CNDP1: variants seen among roughly 807,000 people sequenced by gnomAD.
CNDP1 encodes beta-Ala-His dipeptidase.
CNDP1 carries 44 observed loss-of-function variants against 58.1 expected under a neutral mutation model. That is an observed-to-expected ratio of 0.76 (90% CI 0.60 to 0.97). The LOEUF is 0.97. Ranked by LOEUF, CNDP1 falls within the 50% of genes least tolerant of loss-of-function variation. The probability of loss-of-function intolerance (pLI) is 0.00; values close to 1 mark genes in which losing one functional copy is unlikely to be tolerated. For synonymous variants in CNDP1, 254 were observed against 252.6 expected (o/e 1.01, Z -0.05); for missense variants, 616 against 655.1 (o/e 0.94, Z 0.65).
intron 1 of CNDP1, among the ~76,000 whole-genome samples, chr18:74,553,647 A>G (rs1980965343): frequency 6.6e-6 from 1 of 152,214 alleles, no homozygotes; most frequent in Non-Finnish European, 1.5e-5. Flanking sequence ...TTCACTCTCC[A>G]GAATATTTAT....
intron 1 of CNDP1, among the ~76,000 whole-genome samples, chr18:74,549,612 G>C (rs1283525719): frequency 6.6e-6 from 1 of 152,200 alleles, no homozygotes; most frequent in Non-Finnish European, 1.5e-5. Context: ...TCATTACCAG[G>C]AGAGGAATTT....
intron 1 of CNDP1, among the ~76,000 whole-genome samples, chr18:74,542,156 C>T (rs1980641814): frequency 6.6e-6 from 1 of 152,246 alleles, no homozygotes. Flanking sequence ...CCTTGTACTG[C>T]AGGCCAGAGG....
chr18:74,566,068 C>T (rs1382683087), intron 5 of CNDP1, among the ~76,000 whole-genome samples: 3 of 152,248 alleles, frequency 2.0e-5, no homozygotes, highest in African/African-American at 7.2e-5. Flanking sequence ...GGGCTTCCAC[C>T]CTCTGAAGCC....
rs935488390 is a variant in CNDP1 at position 74,580,377 on chromosome 18, C to T, written c.1309+106C>T. ...CACTTTTAAAACTCAGAAATCAACTCTCCTTTTAATACAGAGCACATTGTT... is the reference window on the plus strand; with the variant it reads ...CACTTTTAAAACTCAGAAATCAACTTTCCTTTTAATACAGAGCACATTGTT... On this transcript the variant is annotated intron_variant, in intron 10 of 11. Transcript: ENST00000358821. The T allele has an allele frequency of 2.3e-5, 26 of 1,150,252 alleles. No homozygotes were observed. In the African/African-American group the frequency reaches 3.9e-4, roughly 17 times the overall value. The allele number at this position is 1,150,252 out of a possible 1,614,324, so 71.3% of individuals were successfully genotyped here.
rs1981894271 is a variant in CNDP1 at position 74,585,730 on chromosome 18, C to T, written c.*1168C>T. 1.3e-5 allele frequency: 2 copies of T among 152,264 alleles called. No homozygotes were observed. Among genetic ancestry groups the T allele is most frequent in the Middle Eastern group, 3.4e-3 (1 of 294 alleles). 9.4% of individuals were successfully genotyped at this position (152,264 alleles called of 1,614,324 possible). A position where few individuals can be genotyped will look rare whatever the true frequency, so the allele number is the denominator to read the frequency against. On this transcript the variant is annotated 3_prime_UTR_variant, in exon 12 of 12. Transcript: ENST00000358821. ...AAGCAGAGGGCCAGGCGCGGTGGCT[C>T]ATGCCCATAATCCCAGCACTTTCGG...
intron 8 of CNDP1, 165 bp from the exon 9 acceptor site, chr18:74,577,998 A>G (rs959999044): frequency 1.7e-6 from 1 of 575,598 alleles, no homozygotes; most frequent in Admixed American, 3.3e-5. Context: ...GACAGCAGAG[A>G]GTTTGTGTCC....
chr18:74,583,512 G>C, intron 10 of CNDP1, 49 bp from the exon 11 acceptor site: 1 of 1,534,014 alleles, frequency 6.5e-7, no homozygotes, highest in Non-Finnish European at 9.0e-7. Context: ...AGCTTCCTGG[G>C]GGTGTTCTTG....
intron 10 of CNDP1, among the ~76,000 whole-genome samples, chr18:74,582,242 C>G (rs375658905): frequency 6.6e-6 from 1 of 152,152 alleles, no homozygotes; most frequent in Non-Finnish European, 1.5e-5. Flanking sequence ...GTTCTGCGAA[C>G]GAGGCACATC....
intron 1 of CNDP1, among the ~76,000 whole-genome samples, chr18:74,541,229 G>A (rs139354519): frequency 1.1e-4 from 16 of 152,336 alleles, no homozygotes; most frequent in Admixed American, 7.8e-4. Context: ...GGAAGGAGAC[G>A]GCAGGTGTGC....
At chr18:74,539,997 AAC>A (rs1467733253) in intron 1 of CNDP1, among the ~76,000 whole-genome samples, 3 of 152,222 alleles carry the variant, frequency 2.0e-5, no homozygotes, top group Middle Eastern at 3.2e-3. Context: ...CAATACCATT[AAC>A]ACACTATAAA....
intron 1 of CNDP1, among the ~76,000 whole-genome samples, chr18:74,542,383 C>T (rs764625703): frequency 6.6e-6 from 1 of 152,258 alleles, no homozygotes; most frequent in Admixed American, 6.5e-5. Flanking sequence ...TTTATCTTCA[C>T]CCGAATCTTG....
At chr18:74,584,277 A>G (rs1163579472) in intron 11 of CNDP1, 7 of 531,018 alleles carry the variant, frequency 1.3e-5, no homozygotes, top group Non-Finnish European at 2.4e-5. Flanking sequence ...TCACTTTTGG[A>G]TTTGAGTCTA....
At chr18:74,561,170 T>C in intron 4 of CNDP1, 152 bp downstream of exon 4, 1 of 916,428 alleles carries the variant, frequency 1.1e-6, no homozygotes, top group Non-Finnish European at 1.6e-6. Context: ...ATCCCAGCAC[T>C]TTGGGAAGCC....
At chr18:74,546,408 C>T (rs535259650) in intron 1 of CNDP1, among the ~76,000 whole-genome samples, 27 of 152,304 alleles carry the variant, frequency 1.8e-4, no homozygotes, top group African/African-American at 5.5e-4. Context: ...CCCACCCTAG[C>T]GGCTTGGTTG....
At chr18:74,573,844 C>T (rs1173542759) in intron 7 of CNDP1, among the ~76,000 whole-genome samples, 1 of 152,126 alleles carries the variant, frequency 6.6e-6, no homozygotes, top group Non-Finnish European at 1.5e-5. Context: ...GGCTCGGGCT[C>T]ATGAATGAAG....
intron 6 of CNDP1, among the ~76,000 whole-genome samples, chr18:74,570,975 G>C (rs1448721993): frequency 6.6e-6 from 1 of 152,168 alleles, no homozygotes; most frequent in African/African-American, 2.4e-5. Flanking sequence ...TCAGTTTCAG[G>C]GGATTCAAGA....
intron 6 of CNDP1, among the ~76,000 whole-genome samples, chr18:74,569,753 G>A (rs1006332766): frequency 6.6e-6 from 1 of 152,154 alleles, no homozygotes; most frequent in African/African-American, 2.4e-5. Flanking sequence ...CATTCATTCA[G>A]AAGTCAGAGC....
intron 5 of CNDP1, among the ~76,000 whole-genome samples, chr18:74,562,464 CTTT>C (rs1421431505): frequency 1.3e-5 from 2 of 152,184 alleles, no homozygotes; most frequent in Non-Finnish European, 2.9e-5. Context: ...TGGGACTGGT[CTTT>C]TTTTCTTTAA....
intron 6 of CNDP1, among the ~76,000 whole-genome samples, chr18:74,569,611 A>G (rs1484751615): frequency 6.6e-6 from 1 of 152,174 alleles, no homozygotes; most frequent in Non-Finnish European, 1.5e-5. Flanking sequence ...TGAGCACCGC[A>G]TGGTCAGAGA....
Sources: gnomAD v4.1 joint callset for allele counts (sites outside exome capture counted in the v4.1 genomes callset) on GRCh38, gnomAD v4.1.1 for gene constraint, MANE v1.5 for transcripts, NCBI Gene and HGNC (gene_info 2026-07-23, HGNC 2026-07-21) for gene names.